ZNF800: variants seen among roughly 807,000 people sequenced by gnomAD.
ZNF800 encodes zinc finger protein 800.
A neutral mutation model predicts 59.5 loss-of-function variants in ZNF800; 13 were observed. That is an observed-to-expected ratio of 0.22 (90% confidence interval 0.14 to 0.35). ZNF800 has a LOEUF of 0.35. Among genes scored for constraint, ZNF800 ranks in the 10% least tolerant of loss-of-function variants. The pLI, the probability that ZNF800 is intolerant of heterozygous loss-of-function variation, is 1.00. For synonymous variants in ZNF800, 266 were observed against 265.7 expected, an observed-to-expected ratio of 1.00 and a Z score of -0.01; for missense variants, 621 against 783.7, an observed-to-expected ratio of 0.79 and a Z score of 2.48.
At chr7:127,388,314 C>T (rs1801203464) in intron 2 of ZNF800, among the ~76,000 whole-genome samples, 1 of 152,130 alleles carries the variant, frequency 6.6e-6, no homozygotes, top group Non-Finnish European at 1.5e-5. Flanking sequence ...AGAATTAAAC[C>T]TCTTACGAAA....
chr7:127,390,451 A>G (rs1031548700), intron 2 of ZNF800, among the ~76,000 whole-genome samples: 4 of 152,180 alleles, frequency 2.6e-5, no homozygotes, highest in Admixed American at 1.3e-4. Flanking sequence ...ATAGGGTTGT[A>G]GTACGAATTT....
Position 127,371,605 on chromosome 7 carries a change from T to C in ZNF800, c.*209A>G, listed in dbSNP as rs1800633023. 1 of 431,846 alleles carries C rather than the reference T, an allele frequency of 2.3e-6. No individual in the cohort carries two copies. The allele number at this position is 431,846 out of a possible 1,614,324, so 26.8% of individuals were successfully genotyped here. ...TGACAACATGTAATATCACAGCTAC[T>C]TGAAAGTGCTGGAATAGGCAGTGCC... is the stretch of plus-strand genomic sequence containing the variant. On this transcript the variant is annotated 3_prime_UTR_variant, in exon 6 of 6. Coordinates refer to ENST00000265827, the MANE Select transcript of ZNF800 (RefSeq NM_176814.5).
intron 1 of ZNF800, 134 bp downstream of exon 1, chr7:127,391,926 A>G (rs1395602549): frequency 2.7e-6 from 1 of 365,752 alleles, no homozygotes. Flanking sequence ...CGCGGCGGGC[A>G]CCGCCGGGCT....
At chr7:127,381,361 G>A (rs991305569) in intron 3 of ZNF800, among the ~76,000 whole-genome samples, 7 of 151,976 alleles carry the variant, frequency 4.6e-5, no homozygotes, top group African/African-American at 1.2e-4. Context: ...CATCCTTAAC[G>A]TAAGGATTCA....
chr7:127,382,457 G>T (rs1801003859), intron 3 of ZNF800, among the ~76,000 whole-genome samples: 1 of 152,168 alleles, frequency 6.6e-6, no homozygotes, highest in Admixed American at 6.6e-5. Context: ...AAGATAAACT[G>T]AAAGTGTTAT....
intron 1 of ZNF800, among the ~76,000 whole-genome samples, chr7:127,352,152 A>C (rs1455265036): frequency 6.6e-6 from 1 of 152,236 alleles, no homozygotes; most frequent in Non-Finnish European, 1.5e-5. Context: ...AAATAACTCA[A>C]AATGTAAAAG....
chr7:127,346,303 A>G (rs1800062451), downstream of ZNF800, among the ~76,000 whole-genome samples: 1 of 152,260 alleles, frequency 6.6e-6, no homozygotes, highest in Admixed American at 6.5e-5. Flanking sequence ...CTGAGACTAC[A>G]GTAGGAACAA....
intron 1 of ZNF800, among the ~76,000 whole-genome samples, chr7:127,349,335 G>A (rs1270717361): frequency 1.3e-5 from 2 of 152,108 alleles, no homozygotes; most frequent in Non-Finnish European, 2.9e-5. Context: ...TAGGGAGTCT[G>A]TTTTGCTAAG....
chr7:127,367,384 T>C (rs11563393), downstream of ZNF800, among the ~76,000 whole-genome samples: 826 of 152,274 alleles, frequency 5.4e-3, 7 homozygotes, highest in African/African-American at 0.019. Flanking sequence ...AGATGACTAG[T>C]GTAAGTTTCT....
chr7:127,352,233 G>A lies in ZNF800; in HGVS notation n.225-4190C>T, dbSNP rs569051201. Among the ~76,000 whole-genome samples, 10 of 152,292 alleles carry A rather than the reference G, an allele frequency of 6.6e-5. No individual in the cohort carries two copies. In the South Asian group the frequency reaches 1.7e-3, roughly 25 times the overall value. On this transcript the variant is annotated intron_variant and non_coding_transcript_variant, in intron 1 of 1. Transcript: ENST00000485577. ...ATATTACAAGTAACAAGATGACTTG[G>A]ACTCAAAACCAGTTATGCTTATTCA...
intron 1 of ZNF800, among the ~76,000 whole-genome samples, chr7:127,355,323 A>C (rs1318650105): frequency 3.9e-5 from 6 of 152,098 alleles, no homozygotes; most frequent in Non-Finnish European, 2.9e-5. Flanking sequence ...GGACAGGAAG[A>C]ATGGGGACAG....
intron 1 of ZNF800, chr7:127,360,906 T>C (rs1462445416): frequency 3.3e-5 from 5 of 152,280 alleles, no homozygotes; most frequent in African/African-American, 1.2e-4. Flanking sequence ...GATCCTGGCA[T>C]GATACTGGAG....
exon 2 of ZNF800, chr7:127,347,292 C>T (rs974541907): frequency 1.3e-4 from 19 of 150,318 alleles, no homozygotes; most frequent in African/African-American, 4.7e-4. Flanking sequence ...TAACACAACT[C>T]CAAGTTGTGT....
rs759317417 is a variant in ZNF800, at chr7:127,391,560, T to C, written c.-3A>G. The C allele has an allele frequency of 6.2e-7, 1 of 1,613,978 alleles. No individual in the cohort carries two copies. The highest frequency in any genetic ancestry group is 1.3e-5 in the African/African-American group (1 of 74,924). On this transcript the variant is annotated 5_prime_UTR_variant, in exon 2 of 6. Coordinates refer to ENST00000265827, the MANE Select transcript of ZNF800 (RefSeq NM_176814.5). ...CAGTATTTGTCCCTTAAAGGCATTT[T>C]CAGTGGACTCGACCTACTTTGCTTT...
chr7:127,377,019 G>A lies in ZNF800; in HGVS notation c.301+167C>T, dbSNP rs1317882113. 6.6e-6 allele frequency among the ~76,000 whole-genome samples: 1 copy of A among 151,922 alleles called. No homozygotes were observed. The highest frequency in any genetic ancestry group is 1.9e-4 in the East Asian group (1 of 5,194). ...TACCTAAGAAACTGAATGTAACATT[G>A]AGTCAAGTATTTAATTTTATTCTCC... On this transcript the variant is annotated intron_variant, in intron 4 of 5. Transcript: ENST00000265827. This position sits in a 1 kb window ranked among gnomAD's most constrained non-coding sequence, Gnocchi z 4.7.
chr7:127,367,887 CA>C (rs1258498036), downstream of ZNF800, among the ~76,000 whole-genome samples: 4 of 152,072 alleles, frequency 2.6e-5, no homozygotes, highest in African/African-American at 9.7e-5. Context: ...ACGCAAACAC[CA>C]AAACCTCCAA....
At chr7:127,347,574 T>A (rs2117005633) in exon 2 of ZNF800, 1 of 152,314 alleles carries the variant, frequency 6.6e-6, no homozygotes, top group East Asian at 1.9e-4. Context: ...AAGCCGGGAT[T>A]TTGGCAGGCA....
chr7:127,380,594 G>A (rs920533532), intron 3 of ZNF800, among the ~76,000 whole-genome samples: 2 of 152,116 alleles, frequency 1.3e-5, no homozygotes, highest in Non-Finnish European at 2.9e-5. Context: ...ACCATTTTCT[G>A]ATTGCTCTGC....
chr7:127,375,117 C>G, intron 4 of ZNF800, 83 bp from the exon 5 acceptor site: 1 of 1,137,448 alleles, frequency 8.8e-7, no homozygotes, highest in Non-Finnish European at 1.2e-6. Flanking sequence ...TTATGAACCT[C>G]TATCTCAGAA....
Sources: allele counts gnomAD v4.1 joint callset (sites outside exome capture counted in the v4.1 genomes callset), GRCh38; gene constraint gnomAD v4.1.1; non-coding constraint Gnocchi (gnomAD v3.1); transcripts MANE v1.5; gene names NCBI Gene and HGNC (gene_info 2026-07-23, HGNC 2026-07-21).